The following CTNNA2 variants were observed in gnomAD, a reference collection of about 807,000 sequenced individuals.
CTNNA2 encodes catenin alpha 2.
A neutral mutation model predicts 101.0 loss-of-function variants in CTNNA2; 42 were observed. The observed-to-expected ratio is 0.42, with a 90% CI of 0.32 to 0.54. CTNNA2 has a LOEUF of 0.54. CTNNA2 is among the 20% of genes least tolerant of loss of function. CTNNA2 has a pLI of 0.14. For missense variants in CTNNA2, 871 were observed against 1,223.1 expected (o/e 0.71, Z 4.29); for synonymous variants, 450 against 456.4 (o/e 0.99, Z 0.18).
intron 2 of CTNNA2, among the ~76,000 whole-genome samples, chr2:79,736,974 G>A (rs12993114): frequency 0.22 from 33,005 of 152,016 alleles, 3,678 homozygotes; most frequent in Non-Finnish European, 0.25. Context: ...ACCAAAAGAC[G>A]GTGAATTGAT....
At chr2:79,240,526 T>A (rs753421946) in intron 2 of CTNNA2, among the ~76,000 whole-genome samples, 8 of 152,180 alleles carry the variant, frequency 5.3e-5, no homozygotes, top group Non-Finnish European at 8.8e-5. Context: ...GCTCCATCCA[T>A]GTTGCTGTAA....
chr2:80,534,359 T>C (rs1037103523), intron 9 of CTNNA2, among the ~76,000 whole-genome samples: 1 of 152,188 alleles, frequency 6.6e-6, no homozygotes, highest in African/African-American at 2.4e-5. Flanking sequence ...ACTTATTTGA[T>C]TAACTGATAC....
At chr2:79,436,142 A>G (rs1678710609) in intron 4 of CTNNA2, among the ~76,000 whole-genome samples, 1 of 152,218 alleles carries the variant, frequency 6.6e-6, no homozygotes, top group African/African-American at 2.4e-5. Flanking sequence ...AAGATTGAGC[A>G]ACACTGATCA....
chr2:79,896,622 TCCTAA>T (rs1684731863), intron 6 of CTNNA2, among the ~76,000 whole-genome samples: 1 of 152,186 alleles, frequency 6.6e-6, no homozygotes, highest in South Asian at 2.1e-4. Flanking sequence ...AAGGAAAGCA[TCCTAA>T]CTGGTGATCT....
intron 7 of CTNNA2, among the ~76,000 whole-genome samples, chr2:80,272,844 C>T (rs1189623658): frequency 6.6e-6 from 1 of 152,198 alleles, no homozygotes; most frequent in Non-Finnish European, 1.5e-5. Context: ...TGCGAGACAA[C>T]TATTTTGCCA....
chr2:79,276,200 T>C (rs972749469), intron 2 of CTNNA2, among the ~76,000 whole-genome samples: 1 of 152,104 alleles, frequency 6.6e-6, no homozygotes, highest in Admixed American at 6.6e-5. Context: ...TTGTAAGAAC[T>C]TGGTTTTCAA....
rs1232545396 is a variant in CTNNA2 at position 80,564,798 on chromosome 2, C to A, written c.1741+8905C>A. On this transcript the variant is annotated intron_variant, in intron 12 of 18. Coordinates refer to ENST00000402739, the MANE Select transcript of CTNNA2 (RefSeq NM_001282597.3). Reference sequence around the variant, plus strand: ...TGTCTGGAGAGGTAGAAACAGCTGACAAATAGCAGCAAATAGGGAGCAGAT... The same window carrying A: ...TGTCTGGAGAGGTAGAAACAGCTGAAAAATAGCAGCAAATAGGGAGCAGAT... 3.3e-5 allele frequency among the ~76,000 whole-genome samples: 5 copies of A among 152,240 alleles called. No homozygotes were observed. The South Asian group carries it at 6.2e-4, about 19-fold the overall frequency.
chr2:79,307,428 A>T (rs1240748058), intron 2 of CTNNA2, among the ~76,000 whole-genome samples: 3 of 152,052 alleles, frequency 2.0e-5, no homozygotes, highest in Non-Finnish European at 4.4e-5. Flanking sequence ...TTTTACTTCT[A>T]TGAGATCAAC....
chr2:80,053,097 A>G (rs987841132), intron 7 of CTNNA2, among the ~76,000 whole-genome samples: 1 of 152,128 alleles, frequency 6.6e-6, no homozygotes, highest in Non-Finnish European at 1.5e-5. Context: ...CTTTACTTTG[A>G]CATACATTCA....
Position 79,744,329 on chromosome 2 carries a change from C to T in CTNNA2, c.103-58C>T. On this transcript the variant is annotated intron_variant, in intron 2 of 18. Transcript: ENST00000402739. ...CGGAGATTTAGAAATTATGAGATAA[C>T]ATGACATTTCTAGACAGTTTTGCAA... The T allele has an allele frequency of 1.4e-6, 2 of 1,472,526 alleles. 1 individual carries two copies. Among genetic ancestry groups the T allele is most frequent in the South Asian group, 2.7e-5 (2 of 73,560 alleles). 91.2% of individuals were successfully genotyped at this position (1,472,526 alleles called of 1,614,324 possible). A position where few individuals can be genotyped will look rare whatever the true frequency, so the allele number is the denominator to read the frequency against.
intron 7 of CTNNA2, among the ~76,000 whole-genome samples, chr2:80,275,975 A>G (rs1673871588): frequency 6.6e-6 from 1 of 152,102 alleles, no homozygotes. Flanking sequence ...ATTCCCATCA[A>G]TGACATCCTT....
At chr2:80,362,650 C>G (rs946803534) in intron 7 of CTNNA2, among the ~76,000 whole-genome samples, 1 of 125,106 alleles carries the variant, frequency 8.0e-6, no homozygotes, top group Non-Finnish European at 1.6e-5. Flanking sequence ...AAAAGAGTCT[C>G]TCTCTACAAG....
chr2:79,271,715 G>T (rs899141604), intron 2 of CTNNA2, among the ~76,000 whole-genome samples: 2 of 151,968 alleles, frequency 1.3e-5, no homozygotes, highest in Admixed American at 6.6e-5. Flanking sequence ...AGAAGGCTAC[G>T]TCCCTAGGGC....
chr2:79,779,914 A>G (rs1361148681), intron 3 of CTNNA2, among the ~76,000 whole-genome samples: 1 of 152,114 alleles, frequency 6.6e-6, no homozygotes, highest in African/African-American at 2.4e-5. Flanking sequence ...GGAGCCAGAC[A>G]TGCCTCATTA....
intron 8 of CTNNA2, among the ~76,000 whole-genome samples, chr2:80,412,502 C>T (rs1157301343): frequency 6.6e-6 from 1 of 152,164 alleles, no homozygotes; most frequent in Non-Finnish European, 1.5e-5. Context: ...ATTGAAATGG[C>T]ACCAAACTAG....
At chr2:79,546,619 T>C (rs1371434029) in intron 1 of CTNNA2, among the ~76,000 whole-genome samples, 1 of 152,180 alleles carries the variant, frequency 6.6e-6, no homozygotes. Context: ...TGTTGTTCTT[T>C]GATTGCTTTA....
At chr2:79,704,186 G>T (rs894524294) in intron 2 of CTNNA2, among the ~76,000 whole-genome samples, 17 of 152,040 alleles carry the variant, frequency 1.1e-4, no homozygotes, top group Admixed American at 1.0e-3. Flanking sequence ...AAATAAATTT[G>T]GGGATGTGAA....
intron 9 of CTNNA2, among the ~76,000 whole-genome samples, chr2:80,481,171 G>A (rs778362711): frequency 1.3e-5 from 2 of 152,114 alleles, no homozygotes; most frequent in Non-Finnish European, 2.9e-5. Context: ...AACTCTGGTG[G>A]CTAAATTAGT....
chr2:79,436,827 G>T (rs1678721623), intron 4 of CTNNA2, among the ~76,000 whole-genome samples: 1 of 151,912 alleles, frequency 6.6e-6, no homozygotes, highest in African/African-American at 2.4e-5. Context: ...GAGATGGGGT[G>T]TCACCGTTTT....
Sources: gnomAD v4.1 joint callset for allele counts (sites outside exome capture counted in the v4.1 genomes callset) on GRCh38, gnomAD v4.1.1 for gene constraint, MANE v1.5 for transcripts, NCBI Gene and HGNC (gene_info 2026-07-23, HGNC 2026-07-21) for gene names.